LRRTM4: variants seen among roughly 807,000 people sequenced by gnomAD.
LRRTM4 encodes leucine-rich repeat transmembrane neuronal protein 4.
In LRRTM4, 25 loss-of-function variants were observed where a neutral mutation model predicts 47.6. That is an observed-to-expected ratio of 0.53 (90% CI 0.38 to 0.73). The LOEUF is 0.73. Ranked by LOEUF, LRRTM4 falls within the 30% of genes least tolerant of loss-of-function variation. The pLI is 0.00. For missense variants in LRRTM4, 638 were observed against 713.4 expected (o/e 0.89, Z 1.20); for synonymous variants, 311 against 269.5 (o/e 1.15, Z -1.51).
chr2:77,408,830 T>C (rs1674309247), intron 3 of LRRTM4, among the ~76,000 whole-genome samples: 1 of 152,240 alleles, frequency 6.6e-6, no homozygotes, highest in African/African-American at 2.4e-5. Context: ...TATTATAATA[T>C]CTGTTTCATA....
chr2:76,827,849 A>T (rs561353457), intron 3 of LRRTM4, among the ~76,000 whole-genome samples: 5 of 151,998 alleles, frequency 3.3e-5, no homozygotes, highest in Admixed American at 3.3e-4. Context: ...AGATGGTTAT[A>T]ATAATATTAT....
rs567206016 is a variant in LRRTM4, at chr2:76,768,523, A to G, written c.1552-19607T>C. 4.2e-4 allele frequency among the ~76,000 whole-genome samples: 64 copies of G among 152,272 alleles called. 1 individual carries two copies. Among genetic ancestry groups the G allele is most frequent in the African/African-American group, 1.5e-3 (61 of 41,578 alleles). On this transcript the variant is annotated intron_variant, in intron 3 of 3. Transcript: ENST00000409884. Reference sequence around the variant, plus strand: ...CTTTCTAGAGATACACAAATTATCCATGCTTGGGGAAAACATTTTTTTCCC... The same window carrying G: ...CTTTCTAGAGATACACAAATTATCCGTGCTTGGGGAAAACATTTTTTTCCC...
At chr2:77,352,758 T>G (rs1047579360) in intron 3 of LRRTM4, among the ~76,000 whole-genome samples, 1 of 152,084 alleles carries the variant, frequency 6.6e-6, no homozygotes, top group African/African-American at 2.4e-5. Context: ...AATTTTTTTT[T>G]GTTGTTTTTC....
At chr2:76,967,898 C>G (rs954448767) in intron 3 of LRRTM4, among the ~76,000 whole-genome samples, 3 of 151,070 alleles carry the variant, frequency 2.0e-5, no homozygotes, top group East Asian at 2.0e-4. Context: ...TTGAAGTGAA[C>G]AGACACTATG....
At chr2:76,894,676 G>A (rs929239694) in intron 3 of LRRTM4, among the ~76,000 whole-genome samples, 3 of 151,884 alleles carry the variant, frequency 2.0e-5, no homozygotes, top group Non-Finnish European at 4.4e-5. Context: ...AATCTTTTGA[G>A]AGTAACTGGA....
intron 3 of LRRTM4, among the ~76,000 whole-genome samples, chr2:77,040,677 A>T (rs1482671678): frequency 6.6e-6 from 1 of 151,432 alleles, no homozygotes; most frequent in Non-Finnish European, 1.5e-5. Context: ...TATTGGGCTG[A>T]TAATGGGTTT....
intron 3 of LRRTM4, among the ~76,000 whole-genome samples, chr2:77,124,109 A>G (rs1671591152): frequency 6.6e-6 from 1 of 152,110 alleles, no homozygotes; most frequent in Non-Finnish European, 1.5e-5. Flanking sequence ...AACTTCAAGG[A>G]AAATAAAGCC....
intron 3 of LRRTM4, among the ~76,000 whole-genome samples, chr2:77,317,527 CCT>C (rs765271758): frequency 3.2e-4 from 48 of 152,124 alleles, no homozygotes; most frequent in East Asian, 1.7e-3. Flanking sequence ...AATATTTTCC[CCT>C]GTTTTTTATT....
chr2:76,775,372 CAG>C (rs34943395), intron 3 of LRRTM4, among the ~76,000 whole-genome samples: 4 of 152,082 alleles, frequency 2.6e-5, no homozygotes, highest in Non-Finnish European at 4.4e-5. Flanking sequence ...GAGATTGAAT[CAG>C]AAATGCATTT....
chr2:77,081,246 CAACACA>C (rs1680520298), intron 3 of LRRTM4, among the ~76,000 whole-genome samples: 1 of 76,522 alleles, frequency 1.3e-5, no homozygotes. Flanking sequence ...TACCTGACAG[CAACACA>C]CACACACACA....
At chr2:77,344,618 A>G (rs1671495018) in intron 3 of LRRTM4, among the ~76,000 whole-genome samples, 1 of 151,736 alleles carries the variant, frequency 6.6e-6, no homozygotes, top group African/African-American at 2.4e-5. Context: ...TATGATATGG[A>G]AAAAAAAGCT....
At chr2:77,149,368 C>T (rs1672355597) in intron 3 of LRRTM4, among the ~76,000 whole-genome samples, 1 of 151,586 alleles carries the variant, frequency 6.6e-6, no homozygotes, top group African/African-American at 2.4e-5. Flanking sequence ...CCACATGTGG[C>T]TCATATTTAT....
At chr2:77,451,818 T>G (rs1466653062) in intron 3 of LRRTM4, among the ~76,000 whole-genome samples, 1 of 152,146 alleles carries the variant, frequency 6.6e-6, no homozygotes, top group Non-Finnish European at 1.5e-5. Context: ...TAAAAAAATC[T>G]GTTGAAGTTA....
intron 3 of LRRTM4, among the ~76,000 whole-genome samples, chr2:76,919,386 G>C (rs1389091812): frequency 6.6e-6 from 1 of 152,124 alleles, no homozygotes; most frequent in Non-Finnish European, 1.5e-5. Context: ...AAAGAAAAAT[G>C]AGGCAGAATA....
chr2:77,042,232 G>C (rs1040033092), intron 3 of LRRTM4, among the ~76,000 whole-genome samples: 7 of 151,238 alleles, frequency 4.6e-5, no homozygotes, highest in Admixed American at 6.6e-5. Context: ...GACATATTTA[G>C]GGGTAAGTGG....
Position 77,128,742 on chromosome 2 carries a change from C to T in LRRTM4, c.1552-379826G>A, listed in dbSNP as rs543068382. 2.2e-3 allele frequency among the ~76,000 whole-genome samples: 330 copies of T among 152,260 alleles called. 1 individual carries two copies. The highest frequency in any genetic ancestry group is 7.6e-3 in the African/African-American group (314 of 41,550). ...GCTACCTCCGCCTCCCGGGTTCAAG[C>T]GATTCTCCTCCCTCAGCCTCCCAAG... On this transcript the variant is annotated intron_variant, in intron 3 of 3. Transcript: ENST00000409884.
At chr2:76,814,048 G>A (rs1369424214) in intron 3 of LRRTM4, among the ~76,000 whole-genome samples, 1 of 151,876 alleles carries the variant, frequency 6.6e-6, no homozygotes, top group East Asian at 1.9e-4. Flanking sequence ...CCTTACTTTT[G>A]ATGACTTTGA....
At chr2:76,860,838 G>A (rs1308785013) in intron 3 of LRRTM4, among the ~76,000 whole-genome samples, 1 of 151,990 alleles carries the variant, frequency 6.6e-6, no homozygotes, top group African/African-American at 2.4e-5. Context: ...CAGATATTGA[G>A]TGGGTAATGA....
chr2:76,801,255 G>C (rs1675661617), intron 3 of LRRTM4, among the ~76,000 whole-genome samples: 2 of 152,068 alleles, frequency 1.3e-5, no homozygotes, highest in Middle Eastern at 3.4e-3. Flanking sequence ...CAAAGACTTG[G>C]AACCAACCCA....
Sources: gnomAD v4.1 joint callset for allele counts (sites outside exome capture counted in the v4.1 genomes callset) on GRCh38, gnomAD v4.1.1 for gene constraint, MANE v1.5 for transcripts, NCBI Gene and HGNC (gene_info 2026-07-23, HGNC 2026-07-21) for gene names.